The following SERTAD4 variants were observed in gnomAD, a reference collection of about 807,000 sequenced individuals.
SERTAD4 encodes SERTA domain-containing protein 4.
SERTAD4 carries 18 observed loss-of-function variants against 32.9 expected under a neutral mutation model. The observed-to-expected ratio is 0.55, with a 90% confidence interval of 0.38 to 0.81. The LOEUF (loss-of-function observed/expected upper bound fraction) is 0.81. Ranked by LOEUF, SERTAD4 falls within the 30% of genes least tolerant of loss-of-function variation. SERTAD4 has a pLI of 0.00. For synonymous variants in SERTAD4, 150 were observed against 156.4 expected (o/e 0.96, Z 0.30); for missense variants, 383 against 426.0 (o/e 0.90, Z 0.89).
At position 210,243,110 on chromosome 1, in the gene SERTAD4, A is replaced by AAAC; in HGVS notation, c.*775_*776insCAA. On this transcript the variant is annotated 3_prime_UTR_variant, in exon 4 of 4. Transcript: ENST00000367012. Reference sequence around the variant, plus strand: ...AAACAGGACAAAAAAAAAAAAAAAAAAAAAACCACAGGGTGGATCAATATG... The same window carrying AAAC: ...AAACAGGACAAAAAAAAAAAAAAAAAAACAAAAACCACAGGGTGGATCAATATG... 1.0e-6 allele frequency: 1 copy of AAAC among 968,572 alleles called. No homozygotes were observed. The highest frequency in any genetic ancestry group is 1.2e-6 in the Non-Finnish European group (1 of 816,530). 60.0% of individuals were successfully genotyped at this position (968,572 alleles called of 1,614,324 possible).
At chr1:210,241,048 C>T (rs942605746) in intron 3 of SERTAD4, among the ~76,000 whole-genome samples, 1 of 130,048 alleles carries the variant, frequency 7.7e-6, no homozygotes, top group Non-Finnish European at 1.6e-5. Context: ...ACAGGTATCA[C>T]AGTACAGCTT....
chr1:210,235,253 T>A (rs1238156126), intron 1 of SERTAD4, among the ~76,000 whole-genome samples: 4 of 152,254 alleles, frequency 2.6e-5, no homozygotes, highest in Non-Finnish European at 5.9e-5. Flanking sequence ...CAGAGAATTA[T>A]GACAGTTTAG....
In SERTAD4 at chr1:210,241,541, T is replaced by C. The variant is rs772845202; in HGVS notation, c.292-17T>C. 32 of 1,485,318 alleles carry C rather than the reference T, an allele frequency of 2.2e-5. No homozygotes were observed. The highest frequency in any genetic ancestry group is 1.7e-4 in the Admixed American group (7 of 41,944). 92.0% of individuals were successfully genotyped at this position (1,485,318 alleles called of 1,614,324 possible). On this transcript the variant is annotated splice_polypyrimidine_tract_variant and intron_variant, in intron 3 of 3. Transcript: ENST00000367012. ...TTTTCTGTTTGTTTTTTTCTTTTTTTTTTTTTTGGTTTGTAGACCATCTCA... is the reference window on the plus strand; with the variant it reads ...TTTTCTGTTTGTTTTTTTCTTTTTTCTTTTTTTGGTTTGTAGACCATCTCA...
intron 2 of SERTAD4, among the ~76,000 whole-genome samples, chr1:210,239,265 T>C (rs964569041): frequency 3.3e-5 from 5 of 152,256 alleles, no homozygotes; most frequent in Non-Finnish European, 7.3e-5. Context: ...TATTAAATGC[T>C]AAAATATGTG....
At chr1:210,233,703 C>T (rs1371072078) in intron 1 of SERTAD4, 2 of 470,882 alleles carry the variant, frequency 4.2e-6, no homozygotes, top group South Asian at 1.5e-5. Context: ...TTCCTCCCCT[C>T]CCGCCTCTTC....
At position 210,241,580 on chromosome 1, in the gene SERTAD4, G is replaced by A. The variant is rs373437236; in HGVS notation, c.314G>A (p.Arg105Gln). ...SHKTISIFEERAHILYMSLEK... is the reference protein window; with the variant it reads ...SHKTISIFEEQAHILYMSLEK... ...TAGACCATCTCAATTTTTGAGGAACGAGCCCACATCCTTTATATGTCCTTA... is the reference window on the plus strand; with the variant it reads ...TAGACCATCTCAATTTTTGAGGAACAAGCCCACATCCTTTATATGTCCTTA... The change falls in exon 4 of 4, where the codon CGA (arginine) becomes CAA (glutamine). Residue 105 changes from arginine (R) to glutamine (Q), a missense_variant. Around this residue, in one of 3 missense-constraint regions of SERTAD4, gnomAD observed 107 missense variants for 158.8 expected, o/e 0.67. Transcript: ENST00000367012. 34 of 1,526,780 alleles carry A rather than the reference G, an allele frequency of 2.2e-5. No homozygotes were observed. The highest frequency in any genetic ancestry group is 3.7e-4 in the Middle Eastern group (2 of 5,340). The allele number at this position is 1,526,780 out of a possible 1,614,324, so 94.6% of individuals were successfully genotyped here. A position where few individuals can be genotyped will look rare whatever the true frequency, so the allele number is the denominator to read the frequency against.
In SERTAD4 at chr1:210,241,720, C is replaced by G. The variant is rs1287133239; in HGVS notation, c.454C>G (p.Pro152Ala). Residue 152 changes from proline (P) to alanine (A), a missense_variant, in exon 4 of 4, where the codon CCT becomes GCT. Physicochemically the swap from Pro to Ala is conservative, Grantham distance 27 (BLOSUM62 -1). Transcript: ENST00000367012. ...EIIMQNNWCF[P>A]ACSFNGTSAQ... ...TATCATGCAGAATAACTGGTGCTTC[C>G]CTGCCTGCTCTTTCAATGGCACCTC... is the stretch of plus-strand genomic sequence containing the variant. The G allele has an allele frequency of 3.7e-6, 6 of 1,613,884 alleles. No homozygotes were observed. Among genetic ancestry groups the G allele is most frequent in the Non-Finnish European group, 5.1e-6 (6 of 1,180,030 alleles).
chr1:210,233,602 C>A (rs756394866), intron 1 of SERTAD4: 2 of 453,784 alleles, frequency 4.4e-6, no homozygotes, highest in Admixed American at 5.1e-5. Flanking sequence ...AGCTGCGCTG[C>A]GGGCGGCGGC....
rs1245183378 is a variant in SERTAD4, at chr1:210,242,357, T to C, written c.*20T>C. The C allele has an allele frequency of 6.5e-7, 1 of 1,541,908 alleles. No individual in the cohort carries two copies. The highest frequency in any genetic ancestry group is 1.4e-5 in the African/African-American group (1 of 72,270). On this transcript the variant is annotated 3_prime_UTR_variant, in exon 4 of 4. Transcript: ENST00000367012. This position sits in a 1 kb window ranked among gnomAD's most constrained non-coding sequence, Gnocchi z 4.0. ...ATATGAGCCATCTTCTCACCGAACT[T>C]TGAAGCATGCACAGCATGATCAGTT...
intron 1 of SERTAD4, 110 bp downstream of exon 1, chr1:210,233,121 C>G (rs956276075): frequency 6.6e-6 from 1 of 152,010 alleles, no homozygotes; most frequent in African/African-American, 2.4e-5. Context: ...CGCGGCCTCC[C>G]GCGCGCCCTC....
rs776458838 is a variant in SERTAD4, at chr1:210,239,627, CATT to C, written c.291+23_291+25del. The C allele has an allele frequency of 1.5e-6, 2 of 1,368,746 alleles. No homozygotes were observed. The highest frequency in any genetic ancestry group is 2.5e-5 in the South Asian group (2 of 80,990). 84.8% of individuals were successfully genotyped at this position (1,368,746 alleles called of 1,614,324 possible). ...CCATAAAGTATGTTTTTTTAATAGT[CATT>C]ATTTTTATTAAGAGTTTAAGATACT... On this transcript the variant is annotated intron_variant, in intron 3 of 3. Coordinates refer to ENST00000367012, the MANE Select transcript of SERTAD4 (RefSeq NM_019605.5).
At position 210,241,895 on chromosome 1, in the gene SERTAD4, T is replaced by A; in HGVS notation, c.629T>A (p.Val210Asp). Residue 210 changes from valine to aspartate, a missense_variant, in exon 4 of 4, where the codon GTT (valine) becomes GAT (aspartate). By Grantham distance (152) the Val-to-Asp change is radical. Around this residue, in one of 3 missense-constraint regions of SERTAD4, gnomAD observed 180 missense variants for 190.6 expected, o/e 0.94. Coordinates refer to ENST00000367012, the MANE Select transcript of SERTAD4 (RefSeq NM_019605.5). ...LNLPLSVNAN[V>D]GSASTAASSP... Reference sequence around the variant, plus strand: ...TTACCCCTTTCTGTCAATGCTAATGTTGGAAGTGCCTCCACTGCTGCCTCC... The same window carrying A: ...TTACCCCTTTCTGTCAATGCTAATGATGGAAGTGCCTCCACTGCTGCCTCC... 4.3e-6 allele frequency: 7 copies of A among 1,614,148 alleles called. No homozygotes were observed. In the South Asian group the frequency reaches 7.7e-5, roughly 18 times the overall value.
rs921439909 is a variant in SERTAD4, at chr1:210,242,771, A to T, written c.*434A>T. 1 of 987,800 alleles carries T rather than the reference A, an allele frequency of 1.0e-6. No homozygotes were observed. Among genetic ancestry groups the T allele is most frequent in the Non-Finnish European group, 1.2e-6 (1 of 831,248 alleles). The allele number at this position is 987,800 out of a possible 1,614,324, so 61.2% of individuals were successfully genotyped here. A position where few individuals can be genotyped will look rare whatever the true frequency, so the allele number is the denominator to read the frequency against. On this transcript the variant is annotated 3_prime_UTR_variant, in exon 4 of 4. Coordinates refer to ENST00000367012, the MANE Select transcript of SERTAD4 (RefSeq NM_019605.5). This position sits in a 1 kb window ranked among gnomAD's most constrained non-coding sequence, Gnocchi z 4.0. Reference sequence around the variant, plus strand: ...ACCTGCTTCTTCTATATGATACAATATTTTTTTTAAATAAAAGACTAAAGA... The same window carrying T: ...ACCTGCTTCTTCTATATGATACAATTTTTTTTTTAAATAAAAGACTAAAGA...
intron 1 of SERTAD4, chr1:210,234,182 G>T (rs2083917530): frequency 4.2e-6 from 1 of 235,630 alleles, no homozygotes; most frequent in Non-Finnish European, 8.2e-6. Flanking sequence ...TGAGGGCTGC[G>T]GCACCGACAC....
rs551771917 is a variant in SERTAD4 at position 210,237,720 on chromosome 1, G to A, written c.-17-224G>A. On this transcript the variant is annotated intron_variant, in intron 1 of 3. Coordinates refer to ENST00000367012, the MANE Select transcript of SERTAD4 (RefSeq NM_019605.5). ...ATAAGAAATGGGGTTTTAAAGATCC[G>A]CCCATGAAATGCAGATTGCTGAACA... Among the ~76,000 whole-genome samples the A allele has an allele frequency of 5.8e-3, 882 of 152,236 alleles. 11 individuals carry two copies. Among genetic ancestry groups the A allele is most frequent in the Non-Finnish European group, 8.8e-3 (597 of 68,000 alleles).
At chr1:210,233,580 C>T in intron 1 of SERTAD4, 2 of 433,742 alleles carry the variant, frequency 4.6e-6, no homozygotes, top group Non-Finnish European at 9.3e-6. Flanking sequence ...GCACCCTCCT[C>T]CCAGGCAGCA....
chr1:210,243,216 CT>C lies in SERTAD4; in HGVS notation c.*883del, dbSNP rs1025296381. On this transcript the variant is annotated 3_prime_UTR_variant, in exon 4 of 4. Transcript: ENST00000367012. ...ATTCTTTATTTTTGATGCCCAATTG[CT>C]TTTGGATTCGCCGTTTTTTCAATAG... 6 of 845,010 alleles carry C rather than the reference CT, an allele frequency of 7.1e-6. No individual in the cohort carries two copies. Among genetic ancestry groups the C allele is most frequent in the Non-Finnish European group, 8.5e-6 (6 of 704,108 alleles). The allele number at this position is 845,010 out of a possible 1,614,324, so 52.3% of individuals were successfully genotyped here.
intron 1 of SERTAD4, among the ~76,000 whole-genome samples, chr1:210,234,342 C>T (rs1294719934): frequency 6.6e-6 from 1 of 152,198 alleles, no homozygotes; most frequent in Non-Finnish European, 1.5e-5. Flanking sequence ...CGGAGCACCC[C>T]TTCGTGCTCT....
intron 1 of SERTAD4, chr1:210,233,777 G>A (rs1267844720): frequency 4.2e-6 from 2 of 470,770 alleles, no homozygotes; most frequent in Non-Finnish European, 8.8e-6. Context: ...CGTCCTCGCC[G>A]CCAGGTCCCA....
Sources: gnomAD v4.1 joint callset for allele counts (sites outside exome capture counted in the v4.1 genomes callset) on GRCh38, gnomAD v4.1.1 for gene constraint, gnomAD v4.1.1 regional missense constraint, Gnocchi (gnomAD v3.1) non-coding constraint, MANE v1.5 for transcripts, NCBI Gene and HGNC (gene_info 2026-07-23, HGNC 2026-07-21) for gene names.